Variants in EXTL3 observed in about 807,000 individuals in gnomAD.
EXTL3 encodes the protein exostosin-like 3.
A neutral mutation model predicts 69.3 loss-of-function variants in EXTL3; 27 were observed. The observed-to-expected ratio is 0.39, with a 90% CI of 0.29 to 0.54. EXTL3 has a LOEUF of 0.54. EXTL3 is among the 20% of genes least tolerant of loss of function. The pLI, the probability that EXTL3 is intolerant of heterozygous loss-of-function variation, is 0.69. For synonymous variants in EXTL3, 511 were observed against 499.4 expected (o/e 1.02, Z -0.31); for missense variants, 1,003 against 1,231.8 (o/e 0.81, Z 2.78).
rs193198926 is a variant in EXTL3 at position 28,728,825 on chromosome 8, T to A, written c.2149-2398T>A. Among the ~76,000 whole-genome samples the A allele has an allele frequency of 7.3e-3, 1,114 of 152,142 alleles. 10 individuals carry two copies. The highest frequency in any genetic ancestry group is 0.011 in the Non-Finnish European group (774 of 67,996). ...ATCAATCACTTGAGCTAATGAGCTC[T>A]AGGCTGCAGTGAGCTATGATAGCAC... On this transcript the variant is annotated intron_variant, in intron 3 of 6. Transcript: ENST00000220562.
intron 1 of EXTL3, among the ~76,000 whole-genome samples, chr8:28,624,904 T>G (rs1806468758): frequency 1.3e-5 from 2 of 152,190 alleles, no homozygotes; most frequent in African/African-American, 2.4e-5. Flanking sequence ...ATTCATGGGC[T>G]AACTAAAAAA....
chr8:28,741,398 G>A (rs1313190636), intron 5 of EXTL3: 1 of 151,190 alleles, frequency 6.6e-6, no homozygotes, highest in Non-Finnish European at 1.5e-5. Context: ...CCATTTAAAG[G>A]GTCAATAAAT....
upstream of EXTL3, chr8:28,697,847 A>C (rs1416630513): frequency 2.0e-5 from 3 of 151,958 alleles, no homozygotes; most frequent in East Asian, 1.9e-4. Flanking sequence ...AAAAAAAAAA[A>C]AAAACTACAT....
At chr8:28,708,562 G>A (rs931159135) in intron 1 of EXTL3, among the ~76,000 whole-genome samples, 2 of 151,826 alleles carry the variant, frequency 1.3e-5, no homozygotes, top group African/African-American at 4.8e-5. Flanking sequence ...TGTCATGCCT[G>A]TAGTTAGGAA....
chr8:28,626,352 CT>C (rs1299062598), intron 1 of EXTL3, among the ~76,000 whole-genome samples: 1 of 152,134 alleles, frequency 6.6e-6, no homozygotes, highest in Non-Finnish European at 1.5e-5. Context: ...AGGATCAGAT[CT>C]GCTTTAAGCA....
intron 1 of EXTL3, among the ~76,000 whole-genome samples, chr8:28,680,508 G>T: frequency 6.6e-6 from 1 of 151,742 alleles, no homozygotes; most frequent in Non-Finnish European, 1.5e-5. Flanking sequence ...GATGTTTTAT[G>T]TACACATTGT....
chr8:28,718,266 C>T, intron 3 of EXTL3, 59 bp downstream of exon 3: 1 of 1,523,218 alleles, frequency 6.6e-7, no homozygotes, highest in Non-Finnish European at 9.1e-7. Flanking sequence ...CTCTTAATCC[C>T]TTTTCCAACT....
chr8:28,666,512 C>G (rs1319168154), intron 1 of EXTL3, among the ~76,000 whole-genome samples: 2 of 152,128 alleles, frequency 1.3e-5, no homozygotes, highest in African/African-American at 2.4e-5. Flanking sequence ...AGCAATCCTC[C>G]CACCTTGGCC....
downstream of EXTL3, among the ~76,000 whole-genome samples, chr8:28,756,196 A>G (rs907240278): frequency 6.6e-6 from 1 of 152,196 alleles, no homozygotes; most frequent in African/African-American, 2.4e-5. Flanking sequence ...CTCTCAATAT[A>G]TGGAACACTA....
At position 28,623,887 on chromosome 8, in the gene EXTL3, T is replaced by C. The variant is rs1244350778; in HGVS notation, c.-53+1077T>C. Among the ~76,000 whole-genome samples, 1 of 152,226 alleles carries C rather than the reference T, an allele frequency of 6.6e-6. No homozygotes were observed. The highest frequency in any genetic ancestry group is 2.4e-5 in the African/African-American group (1 of 41,462). ...AGATGGGAAATCAGGCAAGCTTGGT[T>C]TTAAAACGTTTCTGCCTCTGAGAAG... On this transcript the variant is annotated intron_variant, in intron 1 of 6. Coordinates refer to the EXTL3 transcript ENST00000523149. The surrounding 1 kb of genome is among the most constrained non-coding windows in gnomAD (Gnocchi z 4.2).
chr8:28,666,419 G>A (rs1807197540), intron 1 of EXTL3, among the ~76,000 whole-genome samples: 1 of 151,548 alleles, frequency 6.6e-6, no homozygotes, highest in African/African-American at 2.4e-5. Context: ...CTGGGACCAT[G>A]GGCGTGTACC....
chr8:28,666,523 T>A (rs1807199417), intron 1 of EXTL3, among the ~76,000 whole-genome samples: 1 of 152,154 alleles, frequency 6.6e-6, no homozygotes. Context: ...CACCTTGGCC[T>A]CCCAAAGTGC....
chr8:28,756,416 C>A (rs544877982), downstream of EXTL3, among the ~76,000 whole-genome samples: 46 of 152,334 alleles, frequency 3.0e-4, no homozygotes, highest in African/African-American at 1.1e-3. Context: ...ATGCATCCAT[C>A]GTTGCTGAAT....
At chr8:28,694,785 G>C (rs1245016118) in intron 1 of EXTL3, among the ~76,000 whole-genome samples, 1 of 152,208 alleles carries the variant, frequency 6.6e-6, no homozygotes, top group Non-Finnish European at 1.5e-5. Context: ...GCCAAAGCAG[G>C]CAGGTTGCCT....
At chr8:28,671,503 C>A (rs940705245) in intron 1 of EXTL3, among the ~76,000 whole-genome samples, 2 of 150,736 alleles carry the variant, frequency 1.3e-5, no homozygotes, top group African/African-American at 4.9e-5. Context: ...CCATGCCTGG[C>A]TAATTTTTGT....
At chr8:28,714,229 T>C (rs1459686405) in intron 2 of EXTL3, among the ~76,000 whole-genome samples, 1 of 152,140 alleles carries the variant, frequency 6.6e-6, no homozygotes, top group Non-Finnish European at 1.5e-5. Flanking sequence ...TCTTTAGAAA[T>C]TGTTATTATA....
chr8:28,616,392 G>A (rs1806331180), intron 2 of EXTL3, among the ~76,000 whole-genome samples: 1 of 152,154 alleles, frequency 6.6e-6, no homozygotes, highest in Non-Finnish European at 1.5e-5. Context: ...TTGGGAGGCT[G>A]AGGCGGGTGG....
chr8:28,612,701 C>T (rs10107654), intron 2 of EXTL3, among the ~76,000 whole-genome samples: 1 of 151,662 alleles, frequency 6.6e-6, no homozygotes, highest in Non-Finnish European at 1.5e-5. Context: ...TTTAGCCTAT[C>T]GATGTGATGG....
chr8:28,613,530 A>G (rs1039147009), intron 2 of EXTL3, among the ~76,000 whole-genome samples: 11 of 152,030 alleles, frequency 7.2e-5, no homozygotes, highest in Admixed American at 3.3e-4. Context: ...CGCTGCTTCT[A>G]TTTTCTGGAA....
Sources: gnomAD v4.1 joint callset for allele counts (sites outside exome capture counted in the v4.1 genomes callset) on GRCh38, gnomAD v4.1.1 for gene constraint, Gnocchi (gnomAD v3.1) non-coding constraint, MANE v1.5 for transcripts, NCBI Gene and HGNC (gene_info 2026-07-23, HGNC 2026-07-21) for gene names.